Variants in ONECUT1 observed in about 807,000 individuals in gnomAD.
ONECUT1 encodes hepatocyte nuclear factor 6.
In ONECUT1, 12 loss-of-function variants were observed where a neutral mutation model predicts 25.6. That is an observed-to-expected ratio of 0.47 (90% CI 0.30 to 0.76). The LOEUF (loss-of-function observed/expected upper bound fraction) is 0.76. Among genes scored for constraint, ONECUT1 ranks in the 30% least tolerant of loss-of-function variants. ONECUT1 has a pLI of 0.07. For synonymous variants in ONECUT1, 285 were observed against 270.2 expected (o/e 1.05, Z -0.54); for missense variants, 620 against 651.2 (o/e 0.95, Z 0.52).
intron 1 of ONECUT1, among the ~76,000 whole-genome samples, chr15:52,768,335 A>C (rs2083747239): frequency 6.6e-6 from 1 of 152,194 alleles, no homozygotes; most frequent in African/African-American, 2.4e-5. Context: ...ATGTATCCAT[A>C]ATTAAAAATT....
chr15:52,787,354 G>C (rs1360221149), intron 1 of ONECUT1, among the ~76,000 whole-genome samples: 1 of 152,038 alleles, frequency 6.6e-6, no homozygotes, highest in Non-Finnish European at 1.5e-5. Flanking sequence ...GCTTTGGGTC[G>C]CTTCGGGGCA....
At chr15:52,778,237 T>C (rs2083817165) in intron 1 of ONECUT1, among the ~76,000 whole-genome samples, 1 of 152,238 alleles carries the variant, frequency 6.6e-6, no homozygotes. Context: ...TCTTGCCTCT[T>C]ATCTCCCTGC....
chr15:52,789,718 G>T lies in ONECUT1; in HGVS notation c.167C>A (p.Ala56Glu), dbSNP rs1270642546. The T allele has an allele frequency of 6.8e-7, 1 of 1,461,144 alleles. No homozygotes were observed. The highest frequency in any genetic ancestry group is 9.0e-7 in the Non-Finnish European group (1 of 1,115,354). 90.5% of individuals were successfully genotyped at this position (1,461,144 alleles called of 1,614,324 possible). ...PPAHPRSMGM[A>E]SLLDGGSGGG... is the part of the protein sequence containing the mutation. Reference sequence around the variant, plus strand: ...GCCGCTGCCGCCGTCCAGCAGGGACGCCATGCCCATGGAGCGCGGGTGCGC... The same window carrying T: ...GCCGCTGCCGCCGTCCAGCAGGGACTCCATGCCCATGGAGCGCGGGTGCGC... The change falls in exon 1 of 2, where the codon GCG becomes GAG. Residue 56 changes from alanine to glutamate, a missense_variant. Ala to Glu is a moderately radical substitution (Grantham distance 107, BLOSUM62 -1). Coordinates refer to ENST00000305901, the MANE Select transcript of ONECUT1 (RefSeq NM_004498.4). This position sits in a 1 kb window ranked among gnomAD's most constrained non-coding sequence, Gnocchi z 4.1.
chr15:52,775,949 C>T (rs2083797251), intron 1 of ONECUT1, among the ~76,000 whole-genome samples: 1 of 152,182 alleles, frequency 6.6e-6, no homozygotes, highest in African/African-American at 2.4e-5. Flanking sequence ...TGGGGAGTTA[C>T]TTTTGTTTCT....
At chr15:52,785,148 C>G (rs932519652) in intron 1 of ONECUT1, among the ~76,000 whole-genome samples, 2 of 152,264 alleles carry the variant, frequency 1.3e-5, no homozygotes, top group African/African-American at 4.8e-5. Context: ...TGCCTAGGGC[C>G]CCGCACTCCT....
intron 1 of ONECUT1, among the ~76,000 whole-genome samples, chr15:52,767,675 CT>C (rs1164921557): frequency 6.6e-6 from 1 of 152,148 alleles, no homozygotes; most frequent in Non-Finnish European, 1.5e-5. Flanking sequence ...CAATAGGTCT[CT>C]TTTCTGGAAG....
chr15:52,785,402 G>A (rs561188985), intron 1 of ONECUT1, among the ~76,000 whole-genome samples: 8 of 152,240 alleles, frequency 5.3e-5, no homozygotes, highest in South Asian at 2.1e-4. Flanking sequence ...AACACCGGAC[G>A]GGAAGGGGGC....
intron 1 of ONECUT1, among the ~76,000 whole-genome samples, chr15:52,775,016 T>A (rs1184450313): frequency 6.6e-6 from 1 of 152,020 alleles, no homozygotes; most frequent in Non-Finnish European, 1.5e-5. Context: ...ATGGCGAAAC[T>A]CTGTCTCTAC....
At position 52,780,537 on chromosome 15, in the gene ONECUT1, C is replaced by A. The variant is rs79402245; in HGVS notation, c.1105+8243G>T. Reference sequence around the variant, plus strand: ...AGTAATTAGAATTTAATCACTTTAACTGCATCTTAATTACCCCAAATGAAT... The same window carrying A: ...AGTAATTAGAATTTAATCACTTTAAATGCATCTTAATTACCCCAAATGAAT... On this transcript the variant is annotated intron_variant, in intron 1 of 1. Transcript: ENST00000305901. 2.0e-6 allele frequency: 3 copies of A among 1,487,700 alleles called. No homozygotes were observed. The Admixed American group carries it at 5.9e-5, about 29-fold the overall frequency. 92.2% of individuals were successfully genotyped at this position (1,487,700 alleles called of 1,614,324 possible).
intron 1 of ONECUT1, among the ~76,000 whole-genome samples, chr15:52,782,072 C>T (rs1033310530): frequency 1.3e-5 from 2 of 152,132 alleles, no homozygotes; most frequent in African/African-American, 4.8e-5. Context: ...TTCCAGGGTA[C>T]ATGTGCAGGA....
chr15:52,780,494 ATG>A, intron 1 of ONECUT1: 2 of 1,217,230 alleles, frequency 1.6e-6, no homozygotes, highest in South Asian at 1.4e-5. Flanking sequence ...TGTGACAAAT[ATG>A]TCTTTGTCTA....
Position 52,789,056 on chromosome 15 carries a change from C to G in ONECUT1, c.829G>C (p.Gly277Arg). Residue 277 changes from glycine to arginine, a missense_variant, in exon 1 of 2, where the codon GGC becomes CGC. This residue lies in a region of ONECUT1 where 146 missense variants were observed against 201.8 expected (regional missense o/e 0.72). Transcript: ENST00000305901. This position sits in a 1 kb window ranked among gnomAD's most constrained non-coding sequence, Gnocchi z 4.1. ...TTACTTCCATTGCTGACCTGCGCGCCGGTCACCGAAGGGTTGGGCTCCCGG... is the reference window on the plus strand; with the variant it reads ...TTACTTCCATTGCTGACCTGCGCGCGGGTCACCGAAGGGTTGGGCTCCCGG... The part of the protein sequence containing the change: ...TAREPNPSVT[G>R]AQVSNGSNSG... The G allele has an allele frequency of 6.2e-7, 1 of 1,603,162 alleles. No homozygotes were observed. Among genetic ancestry groups the G allele is most frequent in the South Asian group, 1.1e-5 (1 of 91,082 alleles).
intron 1 of ONECUT1, among the ~76,000 whole-genome samples, chr15:52,770,126 C>A (rs902120905): frequency 1.3e-5 from 2 of 152,194 alleles, no homozygotes; most frequent in Admixed American, 6.5e-5. Context: ...GTTAGGGTAT[C>A]ATTTCTCTCT....
At chr15:52,781,595 G>T (rs1475617076) in intron 1 of ONECUT1, among the ~76,000 whole-genome samples, 1 of 152,140 alleles carries the variant, frequency 6.6e-6, no homozygotes, top group Non-Finnish European at 1.5e-5. Context: ...GTTTTCCAGT[G>T]GTGTTATCAC....
In ONECUT1 at chr15:52,788,722, G is replaced by A. The variant is rs2083893316; in HGVS notation, c.1105+58C>T. On this transcript the variant is annotated intron_variant, in intron 1 of 1. Transcript: ENST00000305901. The surrounding 1 kb of genome is among the most constrained non-coding windows in gnomAD (Gnocchi z 4.3). ...CCTCTCTCCTACCCTTCCTCCTTTGGTCCCTTCGGCTTTCGTGTACCTTAT... is the reference window on the plus strand; with the variant it reads ...CCTCTCTCCTACCCTTCCTCCTTTGATCCCTTCGGCTTTCGTGTACCTTAT... 2 of 1,540,646 alleles carry A rather than the reference G, an allele frequency of 1.3e-6. No individual in the cohort carries two copies. Among genetic ancestry groups the A allele is most frequent in the African/African-American group, 2.7e-5 (2 of 73,766 alleles).
In ONECUT1 at chr15:52,788,504, C is replaced by T. The variant is rs2083891817; in HGVS notation, c.1105+276G>A. The stretch of plus-strand genomic sequence containing the variant: ...CTCCGCCTCAGGCCGTACGAGCTTC[C>T]CTCGCTGTCCCTGAGCGCAAATGAG... On this transcript the variant is annotated intron_variant, in intron 1 of 1. Coordinates refer to ENST00000305901, the MANE Select transcript of ONECUT1 (RefSeq NM_004498.4). This position sits in a 1 kb window ranked among gnomAD's most constrained non-coding sequence, Gnocchi z 4.3. 2.3e-6 allele frequency: 1 copy of T among 440,028 alleles called. No individual in the cohort carries two copies. Among genetic ancestry groups the T allele is most frequent in the Non-Finnish European group, 4.1e-6 (1 of 245,764 alleles). The allele number at this position is 440,028 out of a possible 1,614,324, so 27.3% of individuals were successfully genotyped here.
At chr15:52,777,550 A>G (rs2165990) in intron 1 of ONECUT1, among the ~76,000 whole-genome samples, 73,552 of 151,866 alleles carry the variant, frequency 0.48, 22,346 homozygotes, top group East Asian at 0.86. Context: ...GAGCTCTTCT[A>G]CAAAAGGAGT....
chr15:52,777,735 C>CAAAAAAA (rs1339746053), intron 1 of ONECUT1, among the ~76,000 whole-genome samples: 120 of 90,924 alleles, frequency 1.3e-3, no homozygotes, highest in East Asian at 0.011. Flanking sequence ...CACACACACA[C>CAAAAAAA]ACAAAAAAAC....
intron 1 of ONECUT1, among the ~76,000 whole-genome samples, chr15:52,777,658 T>C (rs1045376233): frequency 6.8e-6 from 1 of 147,336 alleles, no homozygotes; most frequent in Non-Finnish European, 1.5e-5. Context: ...ATCTTCAAAA[T>C]TGTCCCTTCA....
Sources: gnomAD v4.1 joint callset for allele counts (sites outside exome capture counted in the v4.1 genomes callset) on GRCh38, gnomAD v4.1.1 for gene constraint, gnomAD v4.1.1 regional missense constraint, Gnocchi (gnomAD v3.1) non-coding constraint, MANE v1.5 for transcripts, NCBI Gene and HGNC (gene_info 2026-07-23, HGNC 2026-07-21) for gene names.